The following LHFPL3 variants were observed in gnomAD, a reference collection of about 807,000 sequenced individuals.
The protein encoded by LHFPL3 is LHFPL tetraspan subfamily member 3 protein.
Under a neutral mutation model 19.3 loss-of-function variants are expected in LHFPL3, and 5 were observed. The ratio of observed to expected loss-of-function variants is 0.26; its 90% CI spans 0.14 to 0.54. The LOEUF is 0.54. Among genes scored for constraint, LHFPL3 ranks in the 20% least tolerant of loss-of-function variants. The pLI is 0.94. For missense variants in LHFPL3, 249 were observed against 307.4 expected (o/e 0.81, Z 1.42); for synonymous variants, 133 against 126.2 (o/e 1.05, Z -0.36).
chr7:104,451,739 T>C (rs1283897656), intron 1 of LHFPL3, among the ~76,000 whole-genome samples: 2 of 152,180 alleles, frequency 1.3e-5, no homozygotes, highest in Non-Finnish European at 2.9e-5. Flanking sequence ...TTCTTTTTTT[T>C]CTTTCTTTCT....
rs186154427 is a variant in LHFPL3, at chr7:104,378,807, G to A, written c.445+49583G>A. 2.6e-5 allele frequency among the ~76,000 whole-genome samples: 4 copies of A among 152,282 alleles called. No individual in the cohort carries two copies. In the East Asian group the frequency reaches 7.7e-4, roughly 29 times the overall value. ...CCACTAGTATATCTTCTTCAGTGAA[G>A]TGTCTTTTCAACTCTTTTGTAAGAG... On this transcript the variant is annotated intron_variant, in intron 1 of 2. Coordinates refer to ENST00000424859, the MANE Select transcript of LHFPL3 (RefSeq NM_199000.3).
chr7:104,384,540 A>G (rs1790895346), intron 1 of LHFPL3, among the ~76,000 whole-genome samples: 1 of 151,920 alleles, frequency 6.6e-6, no homozygotes, highest in South Asian at 2.1e-4. Flanking sequence ...TAATCCCAGC[A>G]CTTTGGGAGG....
At chr7:104,825,072 CA>C (rs1354006384) in intron 2 of LHFPL3, among the ~76,000 whole-genome samples, 1 of 150,254 alleles carries the variant, frequency 6.7e-6, no homozygotes, top group Non-Finnish European at 1.5e-5. Flanking sequence ...GAGTAAGTGA[CA>C]GGGGAGTGGG....
At chr7:104,553,325 T>C (rs1447922053) in intron 1 of LHFPL3, among the ~76,000 whole-genome samples, 2 of 152,198 alleles carry the variant, frequency 1.3e-5, no homozygotes, top group Non-Finnish European at 2.9e-5. Flanking sequence ...AACTGTACTG[T>C]AAGGCACAAA....
At position 104,457,141 on chromosome 7, in the gene LHFPL3, C is replaced by T. The variant is rs560194550; in HGVS notation, c.445+127917C>T. Among the ~76,000 whole-genome samples the T allele has an allele frequency of 6.6e-5, 10 of 152,112 alleles. No individual in the cohort carries two copies. In the South Asian group the frequency reaches 1.9e-3, roughly 28 times the overall value. On this transcript the variant is annotated intron_variant, in intron 1 of 2. Transcript: ENST00000424859. The stretch of plus-strand genomic sequence containing the variant: ...TTTTTATTTTATTATTATTATACTT[C>T]AAGTTTTAGGGTACATGTGCACAAT...
chr7:104,397,672 C>T (rs1050051475), intron 1 of LHFPL3, among the ~76,000 whole-genome samples: 2 of 152,134 alleles, frequency 1.3e-5, no homozygotes, highest in African/African-American at 2.4e-5. Flanking sequence ...TCCAGCAGCC[C>T]GCTTCTTCAG....
At chr7:104,501,318 G>C (rs916472534) in intron 1 of LHFPL3, among the ~76,000 whole-genome samples, 1 of 152,146 alleles carries the variant, frequency 6.6e-6, no homozygotes, top group Non-Finnish European at 1.5e-5. Flanking sequence ...TAATTTAAAA[G>C]CTATTAAGTA....
intron 2 of LHFPL3, among the ~76,000 whole-genome samples, chr7:104,782,179 C>T (rs2116425609): frequency 6.6e-6 from 1 of 152,258 alleles, no homozygotes; most frequent in East Asian, 1.9e-4. Context: ...TAGTGGTAAC[C>T]AGAAAATTGG....
intron 2 of LHFPL3, among the ~76,000 whole-genome samples, chr7:104,753,632 T>C (rs1321598520): frequency 3.9e-5 from 6 of 151,942 alleles, no homozygotes; most frequent in Non-Finnish European, 8.8e-5. Context: ...AGATGATAGA[T>C]TGGGAGAAGC....
At chr7:104,641,623 G>A (rs1325462014) in intron 1 of LHFPL3, among the ~76,000 whole-genome samples, 2 of 152,102 alleles carry the variant, frequency 1.3e-5, no homozygotes, top group Admixed American at 1.3e-4. Context: ...TTTCTTTAGT[G>A]GATAGTCACT....
At chr7:104,695,929 G>A (rs1792987461) in intron 1 of LHFPL3, among the ~76,000 whole-genome samples, 1 of 152,126 alleles carries the variant, frequency 6.6e-6, no homozygotes, top group Non-Finnish European at 1.5e-5. Flanking sequence ...TGAATTCTGA[G>A]TTGTTGTTTT....
intron 2 of LHFPL3, among the ~76,000 whole-genome samples, chr7:104,820,654 T>C (rs762129700): frequency 6.6e-6 from 1 of 152,040 alleles, no homozygotes; most frequent in Admixed American, 6.6e-5. Flanking sequence ...CACAAAGAAC[T>C]CATTTCTCCC....
intron 1 of LHFPL3, among the ~76,000 whole-genome samples, chr7:104,515,861 C>T (rs1793910218): frequency 1.3e-5 from 2 of 152,052 alleles, no homozygotes; most frequent in African/African-American, 4.8e-5. Flanking sequence ...ATGAAGAGTT[C>T]TTCTAGGAAG....
At chr7:104,390,588 G>A (rs1436296046) in intron 1 of LHFPL3, among the ~76,000 whole-genome samples, 4 of 152,284 alleles carry the variant, frequency 2.6e-5, no homozygotes, top group Middle Eastern at 3.4e-3. Context: ...TATCACTGGT[G>A]GACATTTGGG....
rs935485367 is a variant in LHFPL3 at position 104,398,816 on chromosome 7, C to G, written c.445+69592C>G. Among the ~76,000 whole-genome samples the G allele has an allele frequency of 4.7e-5, 7 of 147,732 alleles. No individual in the cohort carries two copies. In the Admixed American group the frequency reaches 4.9e-4, roughly 10 times the overall value. On this transcript the variant is annotated intron_variant, in intron 1 of 2. Transcript: ENST00000424859. ...TTCGCTGGCAGATTTCTGTTGTCAC[C>G]TCCTTCTGGAAATGTTTTCTGATGC...
chr7:104,414,420 G>A (rs1791585036), intron 1 of LHFPL3, among the ~76,000 whole-genome samples: 1 of 152,164 alleles, frequency 6.6e-6, no homozygotes, highest in Non-Finnish European at 1.5e-5. Context: ...GCTCTTCATA[G>A]AGTTTCTTAG....
intron 2 of LHFPL3, among the ~76,000 whole-genome samples, chr7:104,746,535 T>C (rs1584511347): frequency 6.6e-6 from 1 of 152,196 alleles, no homozygotes; most frequent in East Asian, 1.9e-4. Context: ...TAGAAATCAG[T>C]AAGTAACCCA....
At chr7:104,562,103 G>A (rs1022356173) in intron 1 of LHFPL3, among the ~76,000 whole-genome samples, 2 of 151,606 alleles carry the variant, frequency 1.3e-5, no homozygotes, top group South Asian at 2.1e-4. Context: ...TTTCTCTCTG[G>A]CTGCCCTTAA....
chr7:104,685,181 T>C (rs1792781654), intron 1 of LHFPL3, among the ~76,000 whole-genome samples: 1 of 152,108 alleles, frequency 6.6e-6, no homozygotes, highest in African/African-American at 2.4e-5. Context: ...ACCCCATCTC[T>C]ACTAAAAATA....
Sources: allele counts gnomAD v4.1 joint callset (sites outside exome capture counted in the v4.1 genomes callset), GRCh38; gene constraint gnomAD v4.1.1; transcripts MANE v1.5; gene names NCBI Gene and HGNC (gene_info 2026-07-23, HGNC 2026-07-21).